SH3BGRL2: variants seen among roughly 807,000 people sequenced by gnomAD.
SH3BGRL2 encodes SH3 domain binding glutamate rich protein like 2.
Under a neutral mutation model 14.8 loss-of-function variants are expected in SH3BGRL2, and 21 were observed. The ratio of observed to expected loss-of-function variants is 1.42; its 90% CI spans 1.01 to 2.05. SH3BGRL2 has a LOEUF of 2.05. Ranked by LOEUF, SH3BGRL2 falls within the 30% of genes most tolerant of loss-of-function variation. The pLI is 0.00. For synonymous variants in SH3BGRL2, 50 were observed against 47.8 expected, an observed-to-expected ratio of 1.05 and a Z score of -0.19; for missense variants, 147 against 130.8, an observed-to-expected ratio of 1.12 and a Z score of -0.61.
chr6:79,545,376 CTTTATT>C, the SH3BGRL2 span, among the ~76,000 whole-genome samples: 10 of 152,304 alleles, frequency 6.6e-5, no homozygotes, highest in East Asian at 1.9e-3. Context: ...ATGATGCATG[CTTTATT>C]ACTCAGGTGA....
intron 1 of SH3BGRL2, among the ~76,000 whole-genome samples, chr6:79,660,150 G>A (rs1769513908): frequency 6.6e-6 from 1 of 152,074 alleles, no homozygotes; most frequent in Non-Finnish European, 1.5e-5. Context: ...TTGCCTGATT[G>A]TCCTGGCTAG....
intron 2 of SH3BGRL2, among the ~76,000 whole-genome samples, chr6:79,678,750 G>GT (rs918163656): frequency 6.6e-6 from 1 of 152,182 alleles, no homozygotes. Context: ...CCAATAGGTA[G>GT]TTTTTTGACG....
intron 1 of SH3BGRL2, among the ~76,000 whole-genome samples, chr6:79,655,314 G>C (rs780298886): frequency 6.6e-6 from 1 of 152,136 alleles, no homozygotes; most frequent in Non-Finnish European, 1.5e-5. Context: ...CCATGGGTAC[G>C]ATTGAGCAGA....
chr6:79,649,795 C>T (rs1048258441), intron 1 of SH3BGRL2, among the ~76,000 whole-genome samples: 3 of 152,276 alleles, frequency 2.0e-5, no homozygotes, highest in African/African-American at 7.2e-5. Context: ...AGCTCTGTTT[C>T]TTCCCTTTAG....
the SH3BGRL2 span, among the ~76,000 whole-genome samples, chr6:79,612,520 G>T: frequency 1.3e-5 from 2 of 152,074 alleles, no homozygotes; most frequent in Non-Finnish European, 2.9e-5. Context: ...GGATTCCAAA[G>T]GTAAGAATAG....
the SH3BGRL2 span, among the ~76,000 whole-genome samples, chr6:79,603,204 G>C: frequency 6.6e-6 from 1 of 152,116 alleles, no homozygotes; most frequent in African/African-American, 2.4e-5. Flanking sequence ...TTAAAAGGGT[G>C]ACTCTAAGTA....
the SH3BGRL2 span, among the ~76,000 whole-genome samples, chr6:79,562,225 C>T: frequency 6.6e-6 from 1 of 152,170 alleles, no homozygotes; most frequent in Non-Finnish European, 1.5e-5. Flanking sequence ...ACACACCACA[C>T]ATACACACAT....
the SH3BGRL2 span, among the ~76,000 whole-genome samples, chr6:79,608,730 C>T: frequency 6.6e-6 from 1 of 152,316 alleles, no homozygotes; most frequent in East Asian, 1.9e-4. Context: ...AAGCTGGCTT[C>T]TCACCCTGCC....
At chr6:79,607,876 AC>A in the SH3BGRL2 span, among the ~76,000 whole-genome samples, 1 of 152,046 alleles carries the variant, frequency 6.6e-6, no homozygotes, top group Non-Finnish European at 1.5e-5. Context: ...ACCCCAAGAG[AC>A]AGAGGTTACA....
chr6:79,576,691 G>A, the SH3BGRL2 span, among the ~76,000 whole-genome samples: 1 of 152,006 alleles, frequency 6.6e-6, no homozygotes, highest in South Asian at 2.1e-4. Context: ...TGCACACGTC[G>A]ATAAGTTTTA....
chr6:79,594,243 T>C, the SH3BGRL2 span, among the ~76,000 whole-genome samples: 705 of 152,292 alleles, frequency 4.6e-3, 3 homozygotes, highest in Non-Finnish European at 6.9e-3. Context: ...AGATATTATT[T>C]AGAACTGCTT....
At chr6:79,615,056 G>A in the SH3BGRL2 span, among the ~76,000 whole-genome samples, 1 of 152,130 alleles carries the variant, frequency 6.6e-6, no homozygotes, top group Non-Finnish European at 1.5e-5. Context: ...GACTGATAAG[G>A]CACTAAGCAG....
the SH3BGRL2 span, among the ~76,000 whole-genome samples, chr6:79,607,782 TA>T: frequency 6.6e-6 from 1 of 151,950 alleles, no homozygotes; most frequent in African/African-American, 2.4e-5. Flanking sequence ...CCGCCTCTAC[TA>T]AAAATACAAA....
chr6:79,637,463 C>A (rs1287066557), intron 1 of SH3BGRL2, among the ~76,000 whole-genome samples: 1 of 151,950 alleles, frequency 6.6e-6, no homozygotes, highest in African/African-American at 2.4e-5. Flanking sequence ...GAGGCTGAGG[C>A]AGGTGGATCA....
chr6:79,692,799 T>C (rs7382742), intron 2 of SH3BGRL2, among the ~76,000 whole-genome samples: 135,197 of 151,552 alleles, frequency 0.89, 60,518 homozygotes, highest in East Asian at 0.99. Flanking sequence ...ATGATGCCTC[T>C]GGCTTTGTTC....
intron 2 of SH3BGRL2, among the ~76,000 whole-genome samples, chr6:79,682,347 G>A (rs548029004): frequency 6.6e-6 from 1 of 152,090 alleles, no homozygotes; most frequent in African/African-American, 2.4e-5. Flanking sequence ...TGTAGCCCAG[G>A]CTGGAGTCCC....
the SH3BGRL2 span, among the ~76,000 whole-genome samples, chr6:79,593,656 A>G: frequency 6.6e-6 from 1 of 152,178 alleles, no homozygotes; most frequent in African/African-American, 2.4e-5. Flanking sequence ...TAGAAAATAC[A>G]ATTCAGTCTT....
chr6:79,567,790 A>G, the SH3BGRL2 span, among the ~76,000 whole-genome samples: 2 of 152,222 alleles, frequency 1.3e-5, no homozygotes, highest in African/African-American at 4.8e-5. Context: ...ACACCATAAA[A>G]ATGTGAAAAG....
intron 2 of SH3BGRL2, among the ~76,000 whole-genome samples, chr6:79,688,211 A>C (rs1361705020): frequency 6.6e-6 from 1 of 151,054 alleles, no homozygotes; most frequent in East Asian, 1.9e-4. Context: ...AAAAAAAAAA[A>C]CAAAAACAAA....
Sources: allele counts gnomAD v4.1 joint callset (sites outside exome capture counted in the v4.1 genomes callset), GRCh38; gene constraint gnomAD v4.1.1; transcripts MANE v1.5; gene names NCBI Gene and HGNC (gene_info 2026-07-23, HGNC 2026-07-21).